The following PCDH15 variants were observed in gnomAD, a reference collection of about 807,000 sequenced individuals.
PCDH15 encodes the protein protocadherin-15.
PCDH15 carries 129 observed loss-of-function variants against 178.5 expected under a neutral mutation model. The ratio of observed to expected loss-of-function variants is 0.72; its 90% CI spans 0.63 to 0.84. PCDH15 has a LOEUF of 0.84. Ranked by LOEUF, PCDH15 falls within the 40% of genes least tolerant of loss-of-function variation. The pLI is 0.00. For synonymous variants in PCDH15, 800 were observed against 732.0 expected (o/e 1.09, Z -1.50); for missense variants, 2,230 against 2,099.9 (o/e 1.06, Z -1.21).
intron 6 of PCDH15, among the ~76,000 whole-genome samples, chr10:54,340,368 C>T (rs1942003081): frequency 6.6e-6 from 1 of 152,124 alleles, no homozygotes; most frequent in African/African-American, 2.4e-5. Context: ...TTTGAGTTTA[C>T]ATTTCATTAG....
chr10:55,027,545 AG>A (rs1308682363), intron 2 of PCDH15, among the ~76,000 whole-genome samples: 6 of 151,768 alleles, frequency 4.0e-5, no homozygotes, highest in African/African-American at 1.4e-4. Flanking sequence ...TGGGGTGAAA[AG>A]GTTTGTTAAG....
intron 1 of PCDH15, among the ~76,000 whole-genome samples, chr10:55,281,851 T>C (rs993898026): frequency 6.6e-6 from 1 of 152,148 alleles, no homozygotes; most frequent in African/African-American, 2.4e-5. Flanking sequence ...TAATATGATA[T>C]TTATTCCTTA....
At chr10:54,019,903 T>G (rs1239925864) in intron 20 of PCDH15, among the ~76,000 whole-genome samples, 1 of 152,068 alleles carries the variant, frequency 6.6e-6, no homozygotes, top group Admixed American at 6.6e-5. Context: ...TAAAATCTAG[T>G]CTAGAGAGGT....
intron 2 of PCDH15, among the ~76,000 whole-genome samples, chr10:54,661,402 A>G (rs1441994449): frequency 6.6e-6 from 1 of 152,024 alleles, no homozygotes; most frequent in Non-Finnish European, 1.5e-5. Context: ...GAAATACTAC[A>G]TGACAGAAGC....
At chr10:54,632,602 T>C (rs1037890463) in intron 2 of PCDH15, among the ~76,000 whole-genome samples, 3 of 152,108 alleles carry the variant, frequency 2.0e-5, no homozygotes, top group African/African-American at 7.2e-5. Context: ...AAATTACCCC[T>C]GCTAAAATTT....
At chr10:55,482,144 C>A (rs1029817998) in intron 2 of PCDH15, among the ~76,000 whole-genome samples, 2 of 151,706 alleles carry the variant, frequency 1.3e-5, no homozygotes, top group Non-Finnish European at 2.9e-5. Context: ...ACTAGGATTG[C>A]AACCTCTGCT....
intron 20 of PCDH15, among the ~76,000 whole-genome samples, chr10:54,008,777 A>G (rs1471269643): frequency 6.6e-6 from 1 of 152,144 alleles, no homozygotes; most frequent in African/African-American, 2.4e-5. Flanking sequence ...TCTATTTTTA[A>G]TGTTTTAACT....
At chr10:54,451,741 A>G (rs1166334356) in intron 3 of PCDH15, among the ~76,000 whole-genome samples, 1 of 151,932 alleles carries the variant, frequency 6.6e-6, no homozygotes, top group East Asian at 1.9e-4. Flanking sequence ...GTATCTTCAC[A>G]TTAATTTTGT....
At chr10:54,355,119 G>A (rs1361562666) in intron 5 of PCDH15, among the ~76,000 whole-genome samples, 3 of 26,664 alleles carry the variant, frequency 1.1e-4, no homozygotes, top group Non-Finnish European at 1.8e-4. Flanking sequence ...CAGGAGGATT[G>A]CAAAAAAAAA....
intron 8 of PCDH15, among the ~76,000 whole-genome samples, chr10:54,254,850 T>G (rs1005328017): frequency 5.3e-5 from 8 of 152,206 alleles, no homozygotes; most frequent in Admixed American, 4.6e-4. Flanking sequence ...TTCTTGATAT[T>G]TGCCCACCGG....
intron 2 of PCDH15, among the ~76,000 whole-genome samples, chr10:55,482,557 A>AT (rs1055908807): frequency 6.6e-6 from 1 of 151,456 alleles, no homozygotes; most frequent in African/African-American, 2.4e-5. Context: ...AAAGGATCTT[A>AT]TTTTTCCTTT....
At chr10:53,995,511 T>TA in intron 21 of PCDH15, 138 bp downstream of exon 21, 1 of 1,491,180 alleles carries the variant, frequency 6.7e-7, no homozygotes, top group Non-Finnish European at 9.2e-7. Context: ...ATGAAATAAG[T>TA]AAAAGAACAT....
intron 3 of PCDH15, among the ~76,000 whole-genome samples, chr10:54,875,909 G>GT (rs1954131099): frequency 6.6e-6 from 1 of 152,044 alleles, no homozygotes; most frequent in African/African-American, 2.4e-5. Flanking sequence ...ATTGATGAAG[G>GT]TAGATACACT....
chr10:54,700,624 T>C (rs2095297114), intron 1 of PCDH15, among the ~76,000 whole-genome samples: 1 of 152,030 alleles, frequency 6.6e-6, no homozygotes, highest in Admixed American at 6.6e-5. Context: ...TCTCAGAGGT[T>C]AAGTCTGGTA....
rs377530500 is a variant in PCDH15, at chr10:53,938,864, T to C, written c.3324A>G (p.Gln1108=). 5.6e-6 allele frequency: 9 copies of C among 1,613,546 alleles called. No individual in the cohort carries two copies. Among genetic ancestry groups the C allele is most frequent in the Middle Eastern group, 1.6e-4 (1 of 6,082 alleles). The change falls in exon 25 of 38, where the codon CAA becomes CAG. Residue 1108 remains glutamine, a synonymous_variant. Transcript: ENST00000644397. ...CAAGGACCACTTCCAGGGAATCAGC[T>C]TGGACTCGAAGTACATAGCTTGTCC... The part of the protein sequence containing the change: ...ETRTSYVLRV[Q]ADSLEVVLAN...
At chr10:54,846,351 T>C (rs1953511589) in intron 3 of PCDH15, among the ~76,000 whole-genome samples, 1 of 152,188 alleles carries the variant, frequency 6.6e-6, no homozygotes, top group Admixed American at 6.5e-5. Flanking sequence ...GCCACTTCAA[T>C]GGCAGGTCCC....
intron 2 of PCDH15, among the ~76,000 whole-genome samples, chr10:54,992,474 C>G (rs527347303): frequency 6.6e-6 from 1 of 152,180 alleles, no homozygotes; most frequent in East Asian, 1.9e-4. Flanking sequence ...TGAAGTTGAT[C>G]GGGCGCAGCG....
chr10:54,628,648 G>A (rs2093622763), intron 2 of PCDH15, among the ~76,000 whole-genome samples: 1 of 152,100 alleles, frequency 6.6e-6, no homozygotes, highest in Admixed American at 6.6e-5. Context: ...TCTTTCATCA[G>A]TTTATGGTAG....
At chr10:55,484,583 C>T (rs1490302216) in intron 2 of PCDH15, among the ~76,000 whole-genome samples, 1 of 151,576 alleles carries the variant, frequency 6.6e-6, no homozygotes, top group Non-Finnish European at 1.5e-5. Flanking sequence ...CCCCAGATAG[C>T]CAAAGCAGCC....
Sources: allele counts gnomAD v4.1 joint callset (sites outside exome capture counted in the v4.1 genomes callset), GRCh38; gene constraint gnomAD v4.1.1; transcripts MANE v1.5; gene names NCBI Gene and HGNC (gene_info 2026-07-23, HGNC 2026-07-21).